Variants in NKX6-1 observed in about 807,000 individuals in gnomAD.
The protein encoded by NKX6-1 is homeobox protein Nkx-6.1.
A neutral mutation model predicts 24.9 loss-of-function variants in NKX6-1; 11 were observed. The observed-to-expected ratio is 0.44, with a 90% CI of 0.28 to 0.73. The LOEUF (loss-of-function observed/expected upper bound fraction) is 0.73. Ranked by LOEUF, NKX6-1 falls within the 30% of genes least tolerant of loss-of-function variation. NKX6-1 has a pLI of 0.15. For synonymous variants in NKX6-1, 277 were observed against 242.9 expected (o/e 1.14, Z -1.31); for missense variants, 487 against 502.9 (o/e 0.97, Z 0.30).
In NKX6-1 at chr4:84,497,825, G is replaced by C; in HGVS notation, c.404C>G (p.Ser135Cys). ...AGCAGCCGCGGCGGCGGCAGAGGCG[G>C]AGGAGGCAGAGGCGGACGAGGAAGA... ...SSSSSSASAS[S>C]ASAAAAAAAA... is the part of the protein sequence containing the mutation. The change falls in exon 1 of 3, where the codon TCC (serine) becomes TGC (cysteine). Residue 135 changes from serine to cysteine, a missense_variant. Physicochemically the swap from Ser to Cys is moderately radical, Grantham distance 112. Around this residue, in one of 3 missense-constraint regions of NKX6-1, gnomAD observed 316 missense variants for 311.4 expected, o/e 1.01. Transcript: ENST00000295886. This position sits in a 1 kb window ranked among gnomAD's most constrained non-coding sequence, Gnocchi z 4.8. 1 of 1,270,968 alleles carries C rather than the reference G, an allele frequency of 7.9e-7. No individual in the cohort carries two copies. The highest frequency in any genetic ancestry group is 9.9e-7 in the Non-Finnish European group (1 of 1,012,768). 78.7% of individuals were successfully genotyped at this position (1,270,968 alleles called of 1,614,324 possible). A position where few individuals can be genotyped will look rare whatever the true frequency, so the allele number is the denominator to read the frequency against.
At position 84,493,791 on chromosome 4, in the gene NKX6-1, A is replaced by C. The variant is rs2109986105; in HGVS notation, c.844-242T>G. Among the ~76,000 whole-genome samples, 2 of 152,268 alleles carry C rather than the reference A, an allele frequency of 1.3e-5. No individual in the cohort carries two copies. Among genetic ancestry groups the C allele is most frequent in the South Asian group, 4.1e-4 (2 of 4,832 alleles). The stretch of plus-strand genomic sequence containing the variant: ...GTTGCCATAGCGATGGTAACACAAG[A>C]GTATTGAGGTTGTCAGTGAGCGAGT... On this transcript the variant is annotated intron_variant, in intron 2 of 2. Transcript: ENST00000295886. This position sits in a 1 kb window ranked among gnomAD's most constrained non-coding sequence, Gnocchi z 5.1.
At position 84,493,304 on chromosome 4, in the gene NKX6-1, C is replaced by T. The variant is rs779371343; in HGVS notation, c.1089G>A (p.Pro363=). 11 of 1,598,914 alleles carry T rather than the reference C, an allele frequency of 6.9e-6. No individual in the cohort carries two copies. The highest frequency in any genetic ancestry group is 1.8e-4 in the Middle Eastern group (1 of 5,694). Residue 363 remains proline, a synonymous_variant, in exon 3 of 3, where the codon CCG becomes CCA. Transcript: ENST00000295886. This position sits in a 1 kb window ranked among gnomAD's most constrained non-coding sequence, Gnocchi z 5.1. The part of the protein sequence containing the change: ...GGGLLLHASE[P]ESSS ...GCGGCGGCGTTCAGGATGAGCTCTC[C>T]GGCTCGGACGCGTGCAGTAGGAGGC...
In NKX6-1 at chr4:84,492,186, CA is replaced by C. The variant is rs1720738242; in HGVS notation, c.*1102del. The C allele has an allele frequency of 6.6e-6, 1 of 152,116 alleles. No individual in the cohort carries two copies. The highest frequency in any genetic ancestry group is 1.5e-5 in the Non-Finnish European group (1 of 68,010). The allele number at this position is 152,116 out of a possible 1,614,324, so 9.4% of individuals were successfully genotyped here. ...CATATTCTATAGTATTCTTATGATA[CA>C]AAACACTTCAAATTCAATTACAGTA... On this transcript the variant is annotated 3_prime_UTR_variant, in exon 3 of 3. Transcript: ENST00000295886.
intron 1 of NKX6-1, among the ~76,000 whole-genome samples, chr4:84,496,132 C>A (rs1267128927): frequency 6.6e-6 from 1 of 152,166 alleles, no homozygotes; most frequent in African/African-American, 2.4e-5. Flanking sequence ...TTTGCCAGAG[C>A]CTAATCGCAA....
At position 84,493,796 on chromosome 4, in the gene NKX6-1, TGAGG is replaced by T. The variant is rs1720771901; in HGVS notation, c.844-251_844-248del. Among the ~76,000 whole-genome samples, 1 of 152,142 alleles carries T rather than the reference TGAGG, an allele frequency of 6.6e-6. No homozygotes were observed. The highest frequency in any genetic ancestry group is 2.4e-5 in the African/African-American group (1 of 41,418). ...CATAGCGATGGTAACACAAGAGTAT[TGAGG>T]TTGTCAGTGAGCGAGTTCTCAAAAG... On this transcript the variant is annotated intron_variant, in intron 2 of 2. Transcript: ENST00000295886. This position sits in a 1 kb window ranked among gnomAD's most constrained non-coding sequence, Gnocchi z 5.1.
rs754297558 is a variant in NKX6-1, at chr4:84,497,848, A to AGAG, written c.378_380dup (p.Ser130dup). ...CGGAGGAGGCAGAGGCGGACGAGGAAGAGGAGGAGGAGGAACCGGAGGGCG... is the reference window on the plus strand; with the variant it reads ...CGGAGGAGGCAGAGGCGGACGAGGAAGAGGAGGAGGAGGAGGAACCGGAGGGCG... On this transcript the variant is annotated inframe_insertion, in exon 1 of 3. Coordinates refer to ENST00000295886, the MANE Select transcript of NKX6-1 (RefSeq NM_006168.3). This position sits in a 1 kb window ranked among gnomAD's most constrained non-coding sequence, Gnocchi z 4.8. 9 of 1,272,170 alleles carry AGAG rather than the reference A, an allele frequency of 7.1e-6. No homozygotes were observed. The highest frequency in any genetic ancestry group is 3.1e-5 in the African/African-American group (2 of 64,866). 78.8% of individuals were successfully genotyped at this position (1,272,170 alleles called of 1,614,324 possible).
rs987853851 is a variant in NKX6-1, at chr4:84,498,731, C to G, written c.-503G>C. ...GCCTTGTGCAGCCCGTGGCGCTCCT[C>G]TGATCTTACTGGGATGCTCTGCTCT... is the stretch of plus-strand genomic sequence containing the variant. On this transcript the variant is annotated 5_prime_UTR_variant, in exon 1 of 3. Coordinates refer to ENST00000295886, the MANE Select transcript of NKX6-1 (RefSeq NM_006168.3). 1.3e-5 allele frequency among the ~76,000 whole-genome samples: 2 copies of G among 152,306 alleles called. No homozygotes were observed. Among genetic ancestry groups the G allele is most frequent in the Admixed American group, 6.5e-5 (1 of 15,306 alleles).
chr4:84,497,412 A>T lies in NKX6-1; in HGVS notation c.670+147T>A. 8.7e-7 allele frequency: 1 copy of T among 1,147,636 alleles called. No homozygotes were observed. Among genetic ancestry groups the T allele is most frequent in the Non-Finnish European group, 1.1e-6 (1 of 904,510 alleles). 71.1% of individuals were successfully genotyped at this position (1,147,636 alleles called of 1,614,324 possible). ...AATCCCTTTCTGGAAGCCCTGGCCC[A>T]ACCTAACTGGTGTGATTCCGGCGCT... is the stretch of plus-strand genomic sequence containing the variant. On this transcript the variant is annotated intron_variant, in intron 1 of 2. Coordinates refer to ENST00000295886, the MANE Select transcript of NKX6-1 (RefSeq NM_006168.3). This position sits in a 1 kb window ranked among gnomAD's most constrained non-coding sequence, Gnocchi z 4.8.
chr4:84,493,670 G>A lies in NKX6-1; in HGVS notation c.844-121C>T. The A allele has an allele frequency of 2.4e-6, 3 of 1,226,086 alleles. No individual in the cohort carries two copies. The highest frequency in any genetic ancestry group is 3.4e-6 in the Non-Finnish European group (3 of 886,264). The allele number at this position is 1,226,086 out of a possible 1,614,324, so 76.0% of individuals were successfully genotyped here. A position where few individuals can be genotyped will look rare whatever the true frequency, so the allele number is the denominator to read the frequency against. On this transcript the variant is annotated intron_variant, in intron 2 of 2. Transcript: ENST00000295886. The surrounding 1 kb of genome is among the most constrained non-coding windows in gnomAD (Gnocchi z 5.1). ...TCCCGCGGCCCCCCGAAGGCCTGCTGCCCTCCCTCGCAGCCCTCCCTTTTC... is the reference window on the plus strand; with the variant it reads ...TCCCGCGGCCCCCCGAAGGCCTGCTACCCTCCCTCGCAGCCCTCCCTTTTC...
In NKX6-1 at chr4:84,495,699, C is replaced by A. The variant is rs759394879; in HGVS notation, c.816G>T (p.Ser272=). Reference sequence around the variant, plus strand: ...TGACCTGACTCTCTGTCATCCCCAACGAATAGGCCAAACGAGCCCTCTCGG... The same window carrying A: ...TGACCTGACTCTCTGTCATCCCCAAAGAATAGGCCAAACGAGCCCTCTCGG... The part of the protein sequence containing the change: ...AGPERARLAY[S]LGMTESQVKV... Residue 272 remains serine (S), a synonymous_variant, in exon 2 of 3, where the codon TCG becomes TCT. Coordinates refer to ENST00000295886, the MANE Select transcript of NKX6-1 (RefSeq NM_006168.3). The A allele has an allele frequency of 3.7e-6, 6 of 1,612,622 alleles. No homozygotes were observed. In the South Asian group the frequency reaches 5.5e-5, roughly 15 times the overall value.
chr4:84,497,620 G>A lies in NKX6-1; in HGVS notation c.609C>T (p.Ile203=). ...GGCTCTGCATCACTCCGGGCCAGAAGATGGGCGTCCGGCCAGGCAGCTCAG... is the reference window on the plus strand; with the variant it reads ...GGCTCTGCATCACTCCGGGCCAGAAAATGGGCGTCCGGCCAGGCAGCTCAG... The part of the protein sequence containing the change: ...PLAELPGRTP[I]FWPGVMQSPP... Residue 203 remains isoleucine, a synonymous_variant, in exon 1 of 3, where the codon ATC becomes ATT. Coordinates refer to ENST00000295886, the MANE Select transcript of NKX6-1 (RefSeq NM_006168.3). The surrounding 1 kb of genome is among the most constrained non-coding windows in gnomAD (Gnocchi z 4.8). 7.8e-7 allele frequency: 1 copy of A among 1,281,220 alleles called. No homozygotes were observed. Among genetic ancestry groups the A allele is most frequent in the East Asian group, 3.1e-5 (1 of 32,366 alleles). The allele number at this position is 1,281,220 out of a possible 1,614,324, so 79.4% of individuals were successfully genotyped here.
chr4:84,493,185 CG>C lies in NKX6-1; in HGVS notation c.*103del, dbSNP rs1720756762. On this transcript the variant is annotated 3_prime_UTR_variant, in exon 3 of 3. Transcript: ENST00000295886. The surrounding 1 kb of genome is among the most constrained non-coding windows in gnomAD (Gnocchi z 5.1). Reference sequence around the variant, plus strand: ...TCCCCGCAGGCAGGGCCGGGTCCTCCGGGCCCCGAGGAGCGGGCAGGCGCGG... The same window carrying C: ...TCCCCGCAGGCAGGGCCGGGTCCTCCGGCCCCGAGGAGCGGGCAGGCGCGG... The C allele has an allele frequency of 8.9e-7, 1 of 1,121,118 alleles. No individual in the cohort carries two copies. The highest frequency in any genetic ancestry group is 1.2e-6 in the Non-Finnish European group (1 of 858,060). 69.4% of individuals were successfully genotyped at this position (1,121,118 alleles called of 1,614,324 possible). A position where few individuals can be genotyped will look rare whatever the true frequency, so the allele number is the denominator to read the frequency against.
chr4:84,495,937 T>G, intron 1 of NKX6-1, 93 bp from the exon 2 acceptor site: 2 of 1,294,984 alleles, frequency 1.5e-6, no homozygotes, highest in East Asian at 4.6e-5. Context: ...AAAACAATGT[T>G]TTGTGGGGAA....
rs1225480314 is a variant in NKX6-1 at position 84,498,320 on chromosome 4, C to A, written c.-92G>T. ...AGAGGAGCCGGAAGCGCCGAGGGCG[C>A]GAGCGGAGAGGCACTCGGCGCGCCC... On this transcript the variant is annotated 5_prime_UTR_variant, in exon 1 of 3. Transcript: ENST00000295886. 3.2e-6 allele frequency: 4 copies of A among 1,249,604 alleles called. No homozygotes were observed. The African/African-American group carries it at 6.2e-5, about 19-fold the overall frequency. The allele number at this position is 1,249,604 out of a possible 1,614,324, so 77.4% of individuals were successfully genotyped here. A position where few individuals can be genotyped will look rare whatever the true frequency, so the allele number is the denominator to read the frequency against.
Position 84,493,375 on chromosome 4 carries a change from T to A in NKX6-1, c.1018A>T (p.Thr340Ser). The A allele has an allele frequency of 1.2e-6, 2 of 1,613,848 alleles. No individual in the cohort carries two copies. Among genetic ancestry groups the A allele is most frequent in the Non-Finnish European group, 1.7e-6 (2 of 1,180,000 alleles). ...GACTTGTGCTTCTTCAACAGCTGCG[T>A]GATTTTCTCGTCGTCCGAGTTGGGA... The part of the protein sequence containing the change: ...LDPNSDDEKI[T>S]QLLKKHKSSS... The change falls in exon 3 of 3, where the codon ACG (threonine) becomes TCG (serine). Residue 340 changes from threonine (T) to serine (S), a missense_variant. Thr to Ser is a moderately conservative substitution (Grantham distance 58, BLOSUM62 1). This residue lies in a region of NKX6-1 where 126 missense variants were observed against 105.5 expected (regional missense o/e 1.19). Coordinates refer to ENST00000295886, the MANE Select transcript of NKX6-1 (RefSeq NM_006168.3). The surrounding 1 kb of genome is among the most constrained non-coding windows in gnomAD (Gnocchi z 5.1).
chr4:84,493,650 C>A lies in NKX6-1; in HGVS notation c.844-101G>T. The A allele has an allele frequency of 2.7e-6, 4 of 1,459,428 alleles. No homozygotes were observed. In the South Asian group the frequency reaches 3.8e-5, roughly 14 times the overall value. 90.4% of individuals were successfully genotyped at this position (1,459,428 alleles called of 1,614,324 possible). ...CTCCCGCATCTCGATGGCCCTCCCG[C>A]GGCCCCCCGAAGGCCTGCTGCCCTC... On this transcript the variant is annotated intron_variant, in intron 2 of 2. Transcript: ENST00000295886. The surrounding 1 kb of genome is among the most constrained non-coding windows in gnomAD (Gnocchi z 5.1).
rs570557412 is a variant in NKX6-1 at position 84,493,618 on chromosome 4, G to A, written c.844-69C>T. On this transcript the variant is annotated intron_variant, in intron 2 of 2. Coordinates refer to ENST00000295886, the MANE Select transcript of NKX6-1 (RefSeq NM_006168.3). This position sits in a 1 kb window ranked among gnomAD's most constrained non-coding sequence, Gnocchi z 5.1. ...AATTAAACGAGCAGATCCAGGCCATGCTACCACTCCCGCATCTCGATGGCC... is the reference window on the plus strand; with the variant it reads ...AATTAAACGAGCAGATCCAGGCCATACTACCACTCCCGCATCTCGATGGCC... 3 of 1,568,676 alleles carry A rather than the reference G, an allele frequency of 1.9e-6. No individual in the cohort carries two copies. The East Asian group carries it at 6.8e-5, about 36-fold the overall frequency.
chr4:84,497,422 G>C lies in NKX6-1; in HGVS notation c.670+137C>G. ...TGGAAGCCCTGGCCCAACCTAACTG[G>C]TGTGATTCCGGCGCTGTCAAACTAC... On this transcript the variant is annotated intron_variant, in intron 1 of 2. Coordinates refer to ENST00000295886, the MANE Select transcript of NKX6-1 (RefSeq NM_006168.3). The surrounding 1 kb of genome is among the most constrained non-coding windows in gnomAD (Gnocchi z 4.8). 8.5e-7 allele frequency: 1 copy of C among 1,178,986 alleles called. No homozygotes were observed. Among genetic ancestry groups the C allele is most frequent in the Middle Eastern group, 2.8e-4 (1 of 3,566 alleles). The allele number at this position is 1,178,986 out of a possible 1,614,324, so 73.0% of individuals were successfully genotyped here. A position where few individuals can be genotyped will look rare whatever the true frequency, so the allele number is the denominator to read the frequency against.
rs1720737268 is a variant in NKX6-1 at position 84,492,120 on chromosome 4, T to C, written c.*1169A>G. ...ATAAATTAATAAAGGTTAAAGATGC[T>C]AATATATCACCATTATTAGCTGTAA... On this transcript the variant is annotated 3_prime_UTR_variant, in exon 3 of 3. Transcript: ENST00000295886. The C allele has an allele frequency of 6.6e-6, 1 of 152,250 alleles. No homozygotes were observed. Among genetic ancestry groups the C allele is most frequent in the South Asian group, 2.1e-4 (1 of 4,828 alleles). The allele number at this position is 152,250 out of a possible 1,614,324, so 9.4% of individuals were successfully genotyped here.
Sources: gnomAD v4.1 joint callset for allele counts (sites outside exome capture counted in the v4.1 genomes callset) on GRCh38, gnomAD v4.1.1 for gene constraint, gnomAD v4.1.1 regional missense constraint, Gnocchi (gnomAD v3.1) non-coding constraint, MANE v1.5 for transcripts, NCBI Gene and HGNC (gene_info 2026-07-23, HGNC 2026-07-21) for gene names.